Variants in SLC39A11 observed in about 807,000 individuals in gnomAD.
The protein encoded by SLC39A11 is solute carrier family 39 member 11.
In SLC39A11, 33 loss-of-function variants were observed where a neutral mutation model predicts 36.1. The ratio of observed to expected loss-of-function variants is 0.91; its 90% confidence interval spans 0.69 to 1.22. SLC39A11 has a LOEUF of 1.22. Among genes scored for constraint, SLC39A11 ranks in the 50% most tolerant of loss-of-function variants. SLC39A11 has a pLI of 0.00. For synonymous variants in SLC39A11, 166 were observed against 170.3 expected (o/e 0.97, Z 0.20); for missense variants, 432 against 430.3 (o/e 1.00, Z -0.03).
intron 4 of SLC39A11, among the ~76,000 whole-genome samples, chr17:72,950,598 T>C (rs1353950200): frequency 6.6e-6 from 1 of 152,254 alleles, no homozygotes; most frequent in Non-Finnish European, 1.5e-5. Flanking sequence ...TATGAAAGTA[T>C]GTCAGCTGAT....
chr17:72,757,161 G>A (rs753743564), intron 6 of SLC39A11, among the ~76,000 whole-genome samples: 23 of 151,628 alleles, frequency 1.5e-4, no homozygotes, highest in African/African-American at 3.6e-4. Flanking sequence ...GCAAAACTCC[G>A]TCTCAATAAA....
rs2082269289 is a variant in SLC39A11 at position 72,900,105 on chromosome 17, AAGAAAAAGAAAGAAAGAAAAGAAAG to A, written c.430+47622_430+47646del. ...GAGAAAGAGAAAGAGAAAAGAAAGA[AAGAAAAAGAAAGAAAGAAAAGAAAG>A]AAAGAAAGAAAAAGAAAGAAAGAAA... On this transcript the variant is annotated intron_variant, in intron 5 of 9. Coordinates refer to ENST00000255559, the MANE Select transcript of SLC39A11 (RefSeq NM_139177.4). Among the ~76,000 whole-genome samples the A allele has an allele frequency of 2.9e-5, 4 of 136,752 alleles. 1 individual carries two copies. The highest frequency in any genetic ancestry group is 6.1e-5 in the Non-Finnish European group (4 of 65,552). The allele number at this position is 136,752 out of a possible 152,430, so 89.7% of individuals were successfully genotyped here.
rs1016105827 is a variant in SLC39A11, at chr17:72,717,024, C to T, written c.671+19626G>A. ...ACACACACACACACACACACACACA[C>T]ATATACACATATAAAATATATATAC... On this transcript the variant is annotated intron_variant, in intron 7 of 9. Coordinates refer to ENST00000255559, the MANE Select transcript of SLC39A11 (RefSeq NM_139177.4). Among the ~76,000 whole-genome samples the T allele has an allele frequency of 6.9e-3, 975 of 140,502 alleles. 10 individuals are homozygous for T. Among genetic ancestry groups the T allele is most frequent in the African/African-American group, 0.025 (908 of 36,382 alleles). The allele number at this position is 140,502 out of a possible 152,430, so 92.2% of individuals were successfully genotyped here. A position where few individuals can be genotyped will look rare whatever the true frequency, so the allele number is the denominator to read the frequency against.
intron 2 of SLC39A11, among the ~76,000 whole-genome samples, chr17:73,087,304 G>A (rs529637752): frequency 5.3e-4 from 80 of 152,222 alleles, no homozygotes; most frequent in Middle Eastern, 3.4e-3. Context: ...AAGGGAGGTC[G>A]GGATTTTATT....
intron 6 of SLC39A11, among the ~76,000 whole-genome samples, chr17:72,773,672 C>CAT (rs1266529805): frequency 5.4e-5 from 8 of 149,030 alleles, no homozygotes; most frequent in African/African-American, 2.0e-4. Context: ...CACACACACA[C>CAT]ACACACCCAG....
chr17:72,676,070 TCACACACACACACACACACACA>T (rs3222866), intron 7 of SLC39A11, among the ~76,000 whole-genome samples: 1 of 129,924 alleles, frequency 7.7e-6, no homozygotes, highest in African/African-American at 2.9e-5. Context: ...TCACAATGTT[TCACACACACACACACACACACA>T]CACACACACA....
At chr17:73,023,758 G>A (rs1308223129) in intron 4 of SLC39A11, among the ~76,000 whole-genome samples, 1 of 152,214 alleles carries the variant, frequency 6.6e-6, no homozygotes, top group African/African-American at 2.4e-5. Flanking sequence ...CAAAGTGTTG[G>A]GATTACAGGT....
intron 7 of SLC39A11, among the ~76,000 whole-genome samples, chr17:72,649,690 C>T (rs560784102): frequency 5.5e-5 from 8 of 144,990 alleles, no homozygotes; most frequent in African/African-American, 1.8e-4. Flanking sequence ...AGACTCCAGG[C>T]TGGAGTGCAG....
intron 3 of SLC39A11, among the ~76,000 whole-genome samples, chr17:73,041,079 A>G (rs79583390): frequency 0.039 from 5,890 of 152,182 alleles, 129 homozygotes; most frequent in African/African-American, 0.054. Context: ...TCCCCTCTAA[A>G]TCTAATTTTC....
chr17:72,804,444 G>C (rs780707063), intron 6 of SLC39A11, among the ~76,000 whole-genome samples: 33 of 152,160 alleles, frequency 2.2e-4, no homozygotes, highest in Non-Finnish European at 4.1e-4. Context: ...GGATAATTTA[G>C]AATCTAAAGT....
chr17:72,738,827 G>A (rs894307657), intron 6 of SLC39A11, among the ~76,000 whole-genome samples: 3 of 152,136 alleles, frequency 2.0e-5, no homozygotes, highest in South Asian at 4.1e-4. Context: ...TTAGTACAGC[G>A]CATTTCTTTC....
Position 72,872,607 on chromosome 17 carries a change from C to T in SLC39A11, c.431-22803G>A, listed in dbSNP as rs569314042. Among the ~76,000 whole-genome samples the T allele has an allele frequency of 1.4e-3, 220 of 152,314 alleles. 3 individuals carry two copies. The highest frequency in any genetic ancestry group is 1.3e-3 in the Non-Finnish European group (88 of 68,038). On this transcript the variant is annotated intron_variant, in intron 5 of 9. Coordinates refer to ENST00000255559, the MANE Select transcript of SLC39A11 (RefSeq NM_139177.4). ...GCTTCTAACCTCATAAGCTGTCATC[C>T]CTGGACATAGGCCAAGCTAGCTACA...
At chr17:72,842,948 T>C (rs2078885577) in intron 6 of SLC39A11, among the ~76,000 whole-genome samples, 1 of 152,118 alleles carries the variant, frequency 6.6e-6, no homozygotes, top group Admixed American at 6.6e-5. Flanking sequence ...GGGAGGGTTT[T>C]TTGCTTATTT....
intron 3 of SLC39A11, among the ~76,000 whole-genome samples, chr17:73,056,954 G>A (rs1251734309): frequency 1.3e-5 from 2 of 152,052 alleles, no homozygotes; most frequent in African/African-American, 2.4e-5. Flanking sequence ...AAAAAACAAT[G>A]GGATGCATTT....
chr17:72,947,589 G>T (rs2085509491), intron 5 of SLC39A11, 163 bp downstream of exon 5: 1 of 975,612 alleles, frequency 1.0e-6, no homozygotes, highest in Non-Finnish European at 1.5e-6. Flanking sequence ...TGGGCCAGAT[G>T]CCAGTTTAGC....
At chr17:72,679,823 C>T (rs1408250652) in intron 7 of SLC39A11, among the ~76,000 whole-genome samples, 1 of 152,120 alleles carries the variant, frequency 6.6e-6, no homozygotes, top group Non-Finnish European at 1.5e-5. Context: ...GTGGGCGGAT[C>T]ACGAGGCCAA....
chr17:72,922,960 C>CAAAAAAAAAAAAAAAAAA (rs10645750), intron 5 of SLC39A11, among the ~76,000 whole-genome samples: 7 of 44,078 alleles, frequency 1.6e-4, no homozygotes, highest in African/African-American at 1.7e-4. Flanking sequence ...GACTCCTTCT[C>CAAAAAAAAAAAAAAAAAA]AAAAAAAAAA....
At chr17:72,946,844 T>G (rs9675102) in intron 5 of SLC39A11, among the ~76,000 whole-genome samples, 4,039 of 152,272 alleles carry the variant, frequency 0.027, 175 homozygotes, top group African/African-American at 0.091. Flanking sequence ...AACAATGTAT[T>G]GCATTCCATC....
chr17:72,676,034 A>C (rs114331432), intron 7 of SLC39A11, among the ~76,000 whole-genome samples: 2,837 of 151,330 alleles, frequency 0.019, 88 homozygotes, highest in African/African-American at 0.063. Context: ...AAGGTGGGTT[A>C]CAAGCCCTTG....
Sources: allele counts gnomAD v4.1 joint callset (sites outside exome capture counted in the v4.1 genomes callset), GRCh38; gene constraint gnomAD v4.1.1; transcripts MANE v1.5; gene names NCBI Gene and HGNC (gene_info 2026-07-23, HGNC 2026-07-21).